The following NR1H4 variants were observed in gnomAD, a reference collection of about 807,000 sequenced individuals.
NR1H4 encodes the protein nuclear receptor subfamily 1 group H member 4.
NR1H4 carries 23 observed loss-of-function variants against 58.5 expected under a neutral mutation model. The ratio of observed to expected loss-of-function variants is 0.39; its 90% CI spans 0.28 to 0.56. The LOEUF (loss-of-function observed/expected upper bound fraction) is 0.56, where lower values mean the gene tolerates loss of function less well. NR1H4 is among the 20% of genes least tolerant of loss of function. The pLI is 0.58. For missense variants in NR1H4, 487 were observed against 576.9 expected, an observed-to-expected ratio of 0.84 and a Z score of 1.60; for synonymous variants, 214 against 198.0, an observed-to-expected ratio of 1.08 and a Z score of -0.68.
chr12:100,525,601 C>T (rs983296265), intron 4 of NR1H4, among the ~76,000 whole-genome samples: 1 of 152,062 alleles, frequency 6.6e-6, no homozygotes, highest in Non-Finnish European at 1.5e-5. Context: ...AGAAAAAATT[C>T]TTACAAAGTC....
At chr12:100,482,430 C>A (rs749553813) in intron 1 of NR1H4, among the ~76,000 whole-genome samples, 3 of 152,242 alleles carry the variant, frequency 2.0e-5, no homozygotes, top group Admixed American at 1.3e-4. Context: ...TTCATTCACT[C>A]ATTTATGTAT....
intron 4 of NR1H4, among the ~76,000 whole-genome samples, chr12:100,517,035 G>A (rs1954285464): frequency 6.6e-6 from 1 of 151,760 alleles, no homozygotes; most frequent in Non-Finnish European, 1.5e-5. Context: ...TTCATTATGA[G>A]AATATTAAAA....
chr12:100,499,129 G>A (rs991728717), intron 3 of NR1H4, among the ~76,000 whole-genome samples: 4 of 152,082 alleles, frequency 2.6e-5, no homozygotes, highest in South Asian at 2.1e-4. Context: ...TAAATTGAAC[G>A]AATCTTCCAG....
intron 3 of NR1H4, among the ~76,000 whole-genome samples, chr12:100,496,298 A>G (rs2136111408): frequency 6.6e-6 from 1 of 152,324 alleles, no homozygotes; most frequent in Non-Finnish European, 1.5e-5. Flanking sequence ...CTATGAAGGC[A>G]ACAAAATAGG....
chr12:100,562,769 T>C (rs1038257083), intron 10 of NR1H4, among the ~76,000 whole-genome samples: 1 of 152,240 alleles, frequency 6.6e-6, no homozygotes, highest in Non-Finnish European at 1.5e-5. Flanking sequence ...TGTCGAATGA[T>C]GCCATGCTCA....
In NR1H4 at chr12:100,563,500, A is replaced by G; in HGVS notation, c.*11A>G. The G allele has an allele frequency of 1.3e-6, 2 of 1,595,630 alleles. No individual in the cohort carries two copies. The highest frequency in any genetic ancestry group is 1.7e-4 in the Middle Eastern group (1 of 6,032). On this transcript the variant is annotated 3_prime_UTR_variant, in exon 11 of 11. Transcript: ENST00000392986. ...TGGGACGTGCAGTGATGGGGATTAC[A>G]GGGGAGGGGTCTAGCTCCTTTTTCT...
chr12:100,556,633 G>T (rs1368780903), intron 9 of NR1H4, among the ~76,000 whole-genome samples: 1 of 152,120 alleles, frequency 6.6e-6, no homozygotes, highest in African/African-American at 2.4e-5. Flanking sequence ...CTGTCTCGTG[G>T]CATGTATATA....
intron 3 of NR1H4, chr12:100,503,587 A>G (rs1953888071): frequency 7.7e-7 from 1 of 1,299,018 alleles, no homozygotes; most frequent in East Asian, 2.6e-5. Flanking sequence ...ACAGTAACAG[A>G]TGTCTGTCAA....
chr12:100,489,377 C>T (rs981096866), intron 1 of NR1H4, among the ~76,000 whole-genome samples: 2 of 152,148 alleles, frequency 1.3e-5, no homozygotes, highest in Admixed American at 6.5e-5. Context: ...ACCGTGCAGT[C>T]TTGTGTTGCA....
intron 9 of NR1H4, among the ~76,000 whole-genome samples, chr12:100,548,235 C>T (rs1244432970): frequency 6.6e-6 from 1 of 151,100 alleles, no homozygotes; most frequent in Non-Finnish European, 1.5e-5. Flanking sequence ...GGCATGGTGG[C>T]ACGCACCTGT....
chr12:100,495,445 G>A (rs1346362453), intron 3 of NR1H4, among the ~76,000 whole-genome samples: 5 of 152,058 alleles, frequency 3.3e-5, no homozygotes, highest in South Asian at 2.1e-4. Context: ...TAACACATCT[G>A]AGCTAGGCTG....
chr12:100,543,108 G>T (rs1954975511), intron 9 of NR1H4, among the ~76,000 whole-genome samples: 1 of 152,112 alleles, frequency 6.6e-6, no homozygotes, highest in South Asian at 2.1e-4. Flanking sequence ...ATTTGATTTG[G>T]ATATCCAGGG....
chr12:100,487,230 T>C (rs11110393), intron 1 of NR1H4, among the ~76,000 whole-genome samples: 16,986 of 152,060 alleles, frequency 0.11, 1,995 homozygotes, highest in African/African-American at 0.29. Flanking sequence ...CTGGTGGGAG[T>C]ATAAATGGAA....
intron 9 of NR1H4, among the ~76,000 whole-genome samples, chr12:100,543,685 C>T (rs1954990791): frequency 6.6e-6 from 1 of 151,924 alleles, no homozygotes; most frequent in Non-Finnish European, 1.5e-5. Context: ...ATTCAATTTT[C>T]CTGATGGGTG....
intron 4 of NR1H4, chr12:100,525,546 T>G (rs981372611): frequency 1.6e-4 from 25 of 152,058 alleles, no homozygotes; most frequent in African/African-American, 5.8e-4. Flanking sequence ...AAAATAAAAA[T>G]AAACAAAAAC....
At chr12:100,503,601 T>C (rs1490548743) in intron 3 of NR1H4, 17 of 1,192,650 alleles carry the variant, frequency 1.4e-5, no homozygotes, top group Non-Finnish European at 1.8e-5. Context: ...CTGTCAAAGA[T>C]AGTGGCTCAG....
intron 3 of NR1H4, among the ~76,000 whole-genome samples, chr12:100,503,026 T>C (rs191045699): frequency 7.4e-4 from 112 of 152,268 alleles, no homozygotes; most frequent in Non-Finnish European, 1.4e-3. Context: ...TATCAAGCAT[T>C]ATGCTTTAAA....
intron 8 of NR1H4, among the ~76,000 whole-genome samples, chr12:100,539,846 G>A (rs532206871): frequency 2.0e-5 from 3 of 152,202 alleles, no homozygotes; most frequent in Non-Finnish European, 4.4e-5. Context: ...GACTAGTAGT[G>A]GTGGGGAGTG....
At chr12:100,527,561 T>A (rs911905474) in intron 4 of NR1H4, among the ~76,000 whole-genome samples, 7 of 151,740 alleles carry the variant, frequency 4.6e-5, no homozygotes, top group Non-Finnish European at 5.9e-5. Context: ...GAGTGTAGGG[T>A]GTGAGCTTAT....
Sources: allele counts gnomAD v4.1 joint callset (sites outside exome capture counted in the v4.1 genomes callset), GRCh38; gene constraint gnomAD v4.1.1; transcripts MANE v1.5; gene names NCBI Gene and HGNC (gene_info 2026-07-23, HGNC 2026-07-21).